PTK2: variants seen among roughly 807,000 people sequenced by gnomAD.
PTK2 encodes focal adhesion kinase 1.
A neutral mutation model predicts 150.1 loss-of-function variants in PTK2; 45 were observed. The ratio of observed to expected loss-of-function variants is 0.30; its 90% CI spans 0.24 to 0.38. PTK2 has a LOEUF of 0.38. PTK2 is among the 10% of genes least tolerant of loss of function. The probability of loss-of-function intolerance (pLI) is 1.00; values close to 1 mark genes in which losing one functional copy is unlikely to be tolerated. For missense variants in PTK2, 919 were observed against 1,307.3 expected, an observed-to-expected ratio of 0.70 and a Z score of 4.58; for synonymous variants, 432 against 449.2, an observed-to-expected ratio of 0.96 and a Z score of 0.48.
chr8:140,690,110 G>A (rs1229385412), intron 26 of PTK2, among the ~76,000 whole-genome samples: 3 of 152,004 alleles, frequency 2.0e-5, no homozygotes, highest in East Asian at 1.9e-4. Flanking sequence ...CCGCCACCAC[G>A]CCCGGCTAAT....
chr8:140,790,908 T>C (rs1430310463), intron 13 of PTK2, among the ~76,000 whole-genome samples: 3 of 152,210 alleles, frequency 2.0e-5, no homozygotes, highest in African/African-American at 4.8e-5. Context: ...TCCTTCCCTG[T>C]TGTGCTGCCA....
chr8:140,860,874 G>A (rs534142982), intron 5 of PTK2, among the ~76,000 whole-genome samples: 6 of 152,076 alleles, frequency 3.9e-5, no homozygotes, highest in Non-Finnish European at 7.4e-5. Context: ...ATACTAGCAC[G>A]GAAAAACAAC....
intron 11 of PTK2, 57 bp downstream of exon 11, chr8:140,803,486 T>C: frequency 1.4e-6 from 2 of 1,419,086 alleles, no homozygotes; most frequent in Non-Finnish European, 2.0e-6. Flanking sequence ...AGTCAACAAT[T>C]CTAAAACATC....
At chr8:140,834,013 A>C (rs1342209763) in intron 7 of PTK2, among the ~76,000 whole-genome samples, 1 of 152,238 alleles carries the variant, frequency 6.6e-6, no homozygotes, top group East Asian at 1.9e-4. Context: ...AATTAAATTA[A>C]AAATTCTGTT....
At chr8:140,805,515 T>C (rs1355580367) in intron 10 of PTK2, among the ~76,000 whole-genome samples, 2 of 146,984 alleles carry the variant, frequency 1.4e-5, no homozygotes, top group Non-Finnish European at 3.0e-5. Context: ...GCTGAGATCA[T>C]GCCATTACAC....
At chr8:140,851,149 G>A (rs1193630178) in intron 5 of PTK2, among the ~76,000 whole-genome samples, 2 of 152,220 alleles carry the variant, frequency 1.3e-5, no homozygotes, top group Non-Finnish European at 2.9e-5. Flanking sequence ...CTGAGTTTTT[G>A]TCAGATACTG....
chr8:140,761,142 T>G lies in PTK2; in HGVS notation c.1332+23A>C, dbSNP rs1305861525. The G allele has an allele frequency of 6.7e-6, 10 of 1,494,736 alleles. No individual in the cohort carries two copies. In the African/African-American group the frequency reaches 9.7e-5, roughly 14 times the overall value. 92.6% of individuals were successfully genotyped at this position (1,494,736 alleles called of 1,614,324 possible). A position where few individuals can be genotyped will look rare whatever the true frequency, so the allele number is the denominator to read the frequency against. ...TAAATAGTCAAAATTAGTCTAGTTGTTTGGTAGTCTTAAAAGACTTACTGG... is the reference window on the plus strand; with the variant it reads ...TAAATAGTCAAAATTAGTCTAGTTGGTTGGTAGTCTTAAAAGACTTACTGG... On this transcript the variant is annotated intron_variant, in intron 16 of 31. Coordinates refer to ENST00000522684, the Ensembl canonical transcript of PTK2.
chr8:140,903,419 G>A (rs1411489276), intron 2 of PTK2, among the ~76,000 whole-genome samples: 2 of 152,074 alleles, frequency 1.3e-5, no homozygotes, highest in Non-Finnish European at 2.9e-5. Flanking sequence ...TGTAGGATAG[G>A]TTGAAGTCAG....
intron 10 of PTK2, among the ~76,000 whole-genome samples, chr8:140,817,948 GC>G (rs2100105738): frequency 6.6e-6 from 1 of 151,946 alleles, no homozygotes; most frequent in African/African-American, 2.4e-5. Flanking sequence ...AGGGTAAGAT[GC>G]CAGTACAAAT....
intron 7 of PTK2, among the ~76,000 whole-genome samples, chr8:140,834,337 A>T (rs1000311473): frequency 2.0e-5 from 3 of 152,252 alleles, no homozygotes; most frequent in African/African-American, 7.2e-5. Context: ...AAGAAGGTAT[A>T]GAGGCATGAG....
intron 16 of PTK2, among the ~76,000 whole-genome samples, chr8:140,755,812 A>G (rs1044961311): frequency 1.3e-5 from 2 of 152,214 alleles, no homozygotes; most frequent in African/African-American, 4.8e-5. Context: ...AAAGTATCCA[A>G]TGGTTGGTCC....
rs869199304 is a variant in PTK2, at chr8:140,676,765, TAAAA to T, written c.2563-1270_2563-1267del. Among the ~76,000 whole-genome samples, 48 of 55,574 alleles carry T rather than the reference TAAAA, an allele frequency of 8.6e-4. 2 individuals carry two copies. The highest frequency in any genetic ancestry group is 3.2e-3 in the African/African-American group (38 of 11,750). 36.5% of individuals were successfully genotyped at this position (55,574 alleles called of 152,430 possible). On this transcript the variant is annotated intron_variant, in intron 27 of 31. Transcript: ENST00000522684. ...ACATGGTGAAACCCCGTCTCTACTT[TAAAA>T]AAAAAAAAAAAAAAAAAAAATAGCC...
At chr8:140,977,440 G>A (rs2100189673) in intron 1 of PTK2, among the ~76,000 whole-genome samples, 2 of 152,026 alleles carry the variant, frequency 1.3e-5, no homozygotes, top group South Asian at 2.1e-4. Flanking sequence ...TGGCCAACAC[G>A]GTGAAACCCC....
chr8:140,878,057 A>C (rs2100146737), intron 4 of PTK2, among the ~76,000 whole-genome samples: 1 of 152,168 alleles, frequency 6.6e-6, no homozygotes, highest in Non-Finnish European at 1.5e-5. Flanking sequence ...CATCTCAAAA[A>C]ACAAAACAAC....
intron 14 of PTK2, chr8:140,771,263 T>C (rs2100075330): frequency 6.6e-6 from 1 of 152,380 alleles, no homozygotes; most frequent in Non-Finnish European, 1.5e-5. Context: ...TTGAGTTATA[T>C]ACTTTACATA....
chr8:140,908,255 A>G (rs554623768), intron 2 of PTK2, among the ~76,000 whole-genome samples: 1 of 152,304 alleles, frequency 6.6e-6, no homozygotes, highest in South Asian at 2.1e-4. Context: ...GCTCATCTTC[A>G]GTTCTATAAA....
intron 16 of PTK2, among the ~76,000 whole-genome samples, chr8:140,755,878 T>G (rs1392214433): frequency 6.6e-6 from 1 of 152,222 alleles, no homozygotes; most frequent in African/African-American, 2.4e-5. Context: ...GAATGCTTGA[T>G]AAAATATTAT....
intron 5 of PTK2, among the ~76,000 whole-genome samples, chr8:140,847,282 T>C (rs192941171): frequency 1.0e-3 from 152 of 152,292 alleles, no homozygotes; most frequent in African/African-American, 3.5e-3. Flanking sequence ...CATCTAACCA[T>C]CAATTTTAAG....
chr8:140,671,404 TAG>T (rs1229547525), intron 29 of PTK2, among the ~76,000 whole-genome samples: 1 of 152,134 alleles, frequency 6.6e-6, no homozygotes, highest in Non-Finnish European at 1.5e-5. Flanking sequence ...GTATTTTTAG[TAG>T]AGACAGGGTT....
Sources: allele counts gnomAD v4.1 joint callset (sites outside exome capture counted in the v4.1 genomes callset), GRCh38; gene constraint gnomAD v4.1.1; transcripts MANE v1.5; gene names NCBI Gene and HGNC (gene_info 2026-07-23, HGNC 2026-07-21).